The following KCNK13 variants were observed in gnomAD, a reference collection of about 807,000 sequenced individuals.
The protein encoded by KCNK13 is potassium two pore domain channel subfamily K member 13.
A neutral mutation model predicts 23.4 loss-of-function variants in KCNK13; 12 were observed. That is an observed-to-expected ratio of 0.51 (90% CI 0.33 to 0.83). The LOEUF (loss-of-function observed/expected upper bound fraction) is 0.83, where lower values mean the gene tolerates loss of function less well. Ranked by LOEUF, KCNK13 falls within the 40% of genes least tolerant of loss-of-function variation. The probability of loss-of-function intolerance (pLI) is 0.02; values close to 1 mark genes in which losing one functional copy is unlikely to be tolerated. For synonymous variants in KCNK13, 231 were observed against 229.5 expected, an observed-to-expected ratio of 1.01 and a Z score of -0.06; for missense variants, 463 against 556.3, an observed-to-expected ratio of 0.83 and a Z score of 1.69.
At chr14:90,180,324 C>A (rs980301180) in intron 1 of KCNK13, among the ~76,000 whole-genome samples, 3 of 152,072 alleles carry the variant, frequency 2.0e-5, no homozygotes, top group African/African-American at 4.8e-5. Flanking sequence ...AAAAAAGGAC[C>A]CTGAGGGTTA....
At chr14:90,136,853 T>C (rs1357937047) in intron 1 of KCNK13, among the ~76,000 whole-genome samples, 1 of 152,132 alleles carries the variant, frequency 6.6e-6, no homozygotes, top group African/African-American at 2.4e-5. Context: ...GAAATAGCAC[T>C]TTGGATGGCA....
intron 1 of KCNK13, among the ~76,000 whole-genome samples, chr14:90,162,638 A>G (rs1890263845): frequency 6.6e-6 from 1 of 152,254 alleles, no homozygotes; most frequent in South Asian, 2.1e-4. Flanking sequence ...TGTGCCTGCA[A>G]TTAACAAGGA....
chr14:90,185,180 T>TG lies in KCNK13; in HGVS notation c.*183dup, dbSNP rs898510326. 1.5e-5 allele frequency: 8 copies of TG among 544,526 alleles called. No homozygotes were observed. Among genetic ancestry groups the TG allele is most frequent in the Non-Finnish European group, 2.2e-5 (7 of 315,928 alleles). 33.7% of individuals were successfully genotyped at this position (544,526 alleles called of 1,614,324 possible). On this transcript the variant is annotated 3_prime_UTR_variant, in exon 2 of 2. Coordinates refer to ENST00000282146, the MANE Select transcript of KCNK13 (RefSeq NM_022054.4). ...CCAACCAACAGCCACCTTCCAGGGA[T>TG]GGGGGGCCTGAAGCCTCGATGCTTG...
intron 1 of KCNK13, among the ~76,000 whole-genome samples, chr14:90,126,091 A>G (rs1157911069): frequency 1.3e-5 from 2 of 152,160 alleles, no homozygotes; most frequent in African/African-American, 4.8e-5. Context: ...TTAATTGGAA[A>G]GTTGGAAAAT....
At chr14:90,076,678 G>T (rs1485513719) in intron 1 of KCNK13, among the ~76,000 whole-genome samples, 1 of 152,134 alleles carries the variant, frequency 6.6e-6, no homozygotes, top group African/African-American at 2.4e-5. Flanking sequence ...AGCAATGATA[G>T]TGTGTAGACA....
chr14:90,115,812 C>G (rs1243751086), intron 1 of KCNK13, among the ~76,000 whole-genome samples: 1 of 152,220 alleles, frequency 6.6e-6, no homozygotes, highest in Non-Finnish European at 1.5e-5. Context: ...GCAATTAAAT[C>G]AGAATCTCTG....
chr14:90,144,234 T>C (rs997708873), intron 1 of KCNK13, among the ~76,000 whole-genome samples: 5 of 152,228 alleles, frequency 3.3e-5, no homozygotes, highest in Admixed American at 2.6e-4. Flanking sequence ...CTCTCAGTAA[T>C]GTTTTGTAGT....
chr14:90,102,366 T>C (rs901719900), intron 1 of KCNK13, among the ~76,000 whole-genome samples: 1 of 152,134 alleles, frequency 6.6e-6, no homozygotes, highest in Non-Finnish European at 1.5e-5. Context: ...CCATCAACTA[T>C]AGTATCTTCA....
intron 1 of KCNK13, among the ~76,000 whole-genome samples, chr14:90,073,356 C>T (rs1211819892): frequency 6.6e-6 from 1 of 152,206 alleles, no homozygotes; most frequent in African/African-American, 2.4e-5. Flanking sequence ...CCTCTCAAAG[C>T]TGCAACCTCT....
At chr14:90,063,558 A>G (rs990105275) in intron 1 of KCNK13, among the ~76,000 whole-genome samples, 6 of 152,128 alleles carry the variant, frequency 3.9e-5, no homozygotes, top group African/African-American at 1.4e-4. Flanking sequence ...GAAGAGTTAG[A>G]CGGAGAGGAA....
At chr14:90,178,231 CAAAAAAAAAAAAA>C (rs34726346) in intron 1 of KCNK13, among the ~76,000 whole-genome samples, 1 of 75,072 alleles carries the variant, frequency 1.3e-5, no homozygotes, top group African/African-American at 4.5e-5. Context: ...TTCCTAAAAG[CAAAAAAAAAAAAA>C]AAAAAAAAAA....
chr14:90,077,117 C>CT (rs373759289), intron 1 of KCNK13, among the ~76,000 whole-genome samples: 1,305 of 92,316 alleles, frequency 0.014, 125 homozygotes, highest in African/African-American at 0.049. Flanking sequence ...CCGCACCTGG[C>CT]TTTTTTTTTT....
At chr14:90,107,764 A>G (rs1889564090) in intron 1 of KCNK13, 2 of 821,246 alleles carry the variant, frequency 2.4e-6, no homozygotes. Context: ...GGAGGACCCA[A>G]GAGATCCTCA....
At chr14:90,112,534 TA>T (rs1274872318) in intron 1 of KCNK13, among the ~76,000 whole-genome samples, 3 of 152,034 alleles carry the variant, frequency 2.0e-5, no homozygotes, top group African/African-American at 7.3e-5. Context: ...CAAAAGGAAA[TA>T]TAATAGTTAA....
At chr14:90,095,625 G>GTT (rs564220482) in intron 1 of KCNK13, among the ~76,000 whole-genome samples, 1 of 150,632 alleles carries the variant, frequency 6.6e-6, no homozygotes, top group Admixed American at 6.6e-5. Flanking sequence ...AACTTAAGCT[G>GTT]TTTTTTTTTC....
intron 1 of KCNK13, among the ~76,000 whole-genome samples, chr14:90,094,405 CA>C (rs1473210316): frequency 2.6e-5 from 4 of 152,138 alleles, no homozygotes; most frequent in African/African-American, 9.7e-5. Context: ...CATAATGAAA[CA>C]GATTCTATTT....
chr14:90,135,632 C>T (rs888831506), intron 1 of KCNK13, among the ~76,000 whole-genome samples: 1 of 152,122 alleles, frequency 6.6e-6, no homozygotes, highest in Non-Finnish European at 1.5e-5. Flanking sequence ...ATGTGGCTCC[C>T]ACATCAGGGT....
intron 1 of KCNK13, among the ~76,000 whole-genome samples, chr14:90,069,687 T>C (rs1056133589): frequency 1.3e-5 from 2 of 151,280 alleles, no homozygotes; most frequent in East Asian, 3.9e-4. Flanking sequence ...AATAAAAATA[T>C]CCCACGAATG....
chr14:90,111,389 A>G (rs1420132082), intron 1 of KCNK13, among the ~76,000 whole-genome samples: 5 of 152,190 alleles, frequency 3.3e-5, no homozygotes, highest in African/African-American at 1.2e-4. Context: ...TCACACATAC[A>G]CAGAGAAGAG....
Sources: gnomAD v4.1 joint callset for allele counts (sites outside exome capture counted in the v4.1 genomes callset) on GRCh38, gnomAD v4.1.1 for gene constraint, MANE v1.5 for transcripts, NCBI Gene and HGNC (gene_info 2026-07-23, HGNC 2026-07-21) for gene names.